Variants in CRYL1 observed in about 807,000 individuals in gnomAD.
CRYL1 encodes crystallin lambda 1.
CRYL1 carries 29 observed loss-of-function variants against 36.6 expected under a neutral mutation model. The observed-to-expected ratio is 0.79, with a 90% CI of 0.59 to 1.08. The LOEUF (loss-of-function observed/expected upper bound fraction) is 1.08. Ranked by LOEUF, CRYL1 falls within the 50% of genes least tolerant of loss-of-function variation. The probability of loss-of-function intolerance (pLI) is 0.00; values close to 1 mark genes in which losing one functional copy is unlikely to be tolerated. For missense variants in CRYL1, 411 were observed against 407.9 expected (o/e 1.01, Z -0.06); for synonymous variants, 152 against 151.5 (o/e 1.00, Z -0.02).
intron 5 of CRYL1, chr13:20,430,211 A>G (rs1248943579): frequency 1.0e-6 from 1 of 984,590 alleles, no homozygotes; most frequent in East Asian, 1.1e-4. Context: ...TATCTTCTAG[A>G]CTTTCACCAA....
intron 6 of CRYL1, among the ~76,000 whole-genome samples, chr13:20,408,627 T>G (rs1232255740): frequency 6.6e-6 from 1 of 152,212 alleles, no homozygotes; most frequent in Non-Finnish European, 1.5e-5. Flanking sequence ...TTTTGTACAT[T>G]GATTTTGTAT....
chr13:20,489,214 G>A lies in CRYL1; in HGVS notation c.276+156C>T, dbSNP rs145134976. 2.6e-4 allele frequency among the ~76,000 whole-genome samples: 40 copies of A among 152,196 alleles called. No homozygotes were observed. In the East Asian group the frequency reaches 6.8e-3, roughly 26 times the overall value. On this transcript the variant is annotated intron_variant, in intron 3 of 7. Transcript: ENST00000298248. ...AGAACCCAGGATAGAGGGTGTTTTG[G>A]GGATCACATTTCCTATCACATAAAA...
intron 1 of CRYL1, among the ~76,000 whole-genome samples, chr13:20,514,232 A>T (rs535489674): frequency 8.5e-5 from 13 of 152,350 alleles, no homozygotes; most frequent in Admixed American, 8.5e-4. Context: ...CACGCAGTGG[A>T]GAAACCTGAC....
In CRYL1 at chr13:20,441,166, A is replaced by G. The variant is rs933420520; in HGVS notation, c.277-1412T>C. On this transcript the variant is annotated intron_variant, in intron 3 of 7. Transcript: ENST00000298248. ...GTAGGGGAGGAGGTAGGGCCTCCCA[A>G]CGTTCCCCAGTGACTTCAGGAGAAT... Among the ~76,000 whole-genome samples, 19 of 152,170 alleles carry G rather than the reference A, an allele frequency of 1.2e-4. 1 individual carries two copies. Among genetic ancestry groups the G allele is most frequent in the Non-Finnish European group, 4.4e-5 (3 of 68,034 alleles).
At position 20,463,033 on chromosome 13, in the gene CRYL1, C is replaced by T. The variant is rs182083201; in HGVS notation, c.277-23279G>A. On this transcript the variant is annotated intron_variant, in intron 3 of 7. Transcript: ENST00000298248. ...AATGGAAAAATCTGTTTTACAAGCT[C>T]GTGTAACTAAGAAGAAACGGCAGCA... Among the ~76,000 whole-genome samples, 127 of 152,206 alleles carry T rather than the reference C, an allele frequency of 8.3e-4. 1 individual carries two copies. Among genetic ancestry groups the T allele is most frequent in the Middle Eastern group, 3.4e-3 (1 of 294 alleles).
chr13:20,474,344 C>T (rs2033122430), intron 3 of CRYL1, among the ~76,000 whole-genome samples: 1 of 152,202 alleles, frequency 6.6e-6, no homozygotes, highest in Non-Finnish European at 1.5e-5. Flanking sequence ...GTCCCGTCCC[C>T]AGCCGTTGCT....
intron 5 of CRYL1, among the ~76,000 whole-genome samples, chr13:20,424,001 C>T (rs965993747): frequency 6.6e-5 from 10 of 151,974 alleles, no homozygotes; most frequent in Non-Finnish European, 1.5e-4. Flanking sequence ...GAACTCCTGA[C>T]CTCGTGATTC....
intron 5 of CRYL1, chr13:20,427,047 C>A: frequency 1.0e-6 from 1 of 985,538 alleles, no homozygotes; most frequent in Non-Finnish European, 1.2e-6. Context: ...CCTCCACATA[C>A]CCTGCCCTCA....
At chr13:20,518,396 C>T (rs879603753) in intron 1 of CRYL1, among the ~76,000 whole-genome samples, 13 of 152,152 alleles carry the variant, frequency 8.5e-5, no homozygotes, top group African/African-American at 1.2e-4. Flanking sequence ...TGTATTTCTG[C>T]GACAAGTGTT....
intron 5 of CRYL1, among the ~76,000 whole-genome samples, chr13:20,420,311 G>A (rs1419939902): frequency 2.6e-5 from 4 of 152,188 alleles, no homozygotes; most frequent in South Asian, 2.1e-4. Context: ...ACAAGCCTAC[G>A]TGCACAGCTG....
chr13:20,490,436 A>G (rs1004657762), intron 2 of CRYL1, among the ~76,000 whole-genome samples: 2 of 152,082 alleles, frequency 1.3e-5, no homozygotes, highest in Admixed American at 1.3e-4. Flanking sequence ...GGTAGCTGCC[A>G]GGGGCTGGAG....
At chr13:20,465,485 T>C (rs760684846) in intron 3 of CRYL1, among the ~76,000 whole-genome samples, 1 of 152,024 alleles carries the variant, frequency 6.6e-6, no homozygotes, top group Non-Finnish European at 1.5e-5. Flanking sequence ...GGAGGTTAGG[T>C]TTCACTTTCT....
chr13:20,426,281 TAA>T (rs35582177), intron 5 of CRYL1, among the ~76,000 whole-genome samples: 2 of 144,480 alleles, frequency 1.4e-5, no homozygotes, highest in Non-Finnish European at 1.5e-5. Context: ...TATCTTTATT[TAA>T]AAAAAAAAAA....
intron 6 of CRYL1, among the ~76,000 whole-genome samples, chr13:20,405,628 A>T (rs2031350103): frequency 1.3e-5 from 2 of 152,144 alleles, no homozygotes; most frequent in South Asian, 2.1e-4. Flanking sequence ...GGGTGGATGG[A>T]GCCAGGCGCT....
At chr13:20,516,175 A>G (rs1348232897) in intron 1 of CRYL1, among the ~76,000 whole-genome samples, 1 of 125,886 alleles carries the variant, frequency 7.9e-6, no homozygotes, top group East Asian at 2.7e-4. Flanking sequence ...TGGGCGAAAG[A>G]GCAAAACTCC....
chr13:20,407,461 T>A (rs2031407137), intron 6 of CRYL1, among the ~76,000 whole-genome samples: 1 of 152,130 alleles, frequency 6.6e-6, no homozygotes, highest in Non-Finnish European at 1.5e-5. Flanking sequence ...TTTCAACAAT[T>A]ATTTTGGCTT....
intron 2 of CRYL1, among the ~76,000 whole-genome samples, chr13:20,505,142 G>A (rs1213158981): frequency 2.0e-5 from 3 of 152,118 alleles, no homozygotes; most frequent in African/African-American, 7.2e-5. Context: ...GATCACCTGA[G>A]ATCAGGAGTT....
intron 3 of CRYL1, among the ~76,000 whole-genome samples, chr13:20,447,591 G>A (rs747011989): frequency 6.6e-6 from 1 of 151,900 alleles, no homozygotes; most frequent in African/African-American, 2.4e-5. Flanking sequence ...GACAGAATGA[G>A]AACATGGAAA....
chr13:20,460,417 G>A (rs1447810604), intron 3 of CRYL1, among the ~76,000 whole-genome samples: 2 of 151,522 alleles, frequency 1.3e-5, no homozygotes, highest in African/African-American at 2.4e-5. Flanking sequence ...ACACTTGCAG[G>A]ACAATGTAGA....
Sources: gnomAD v4.1 joint callset for allele counts (sites outside exome capture counted in the v4.1 genomes callset) on GRCh38, gnomAD v4.1.1 for gene constraint, MANE v1.5 for transcripts, NCBI Gene and HGNC (gene_info 2026-07-23, HGNC 2026-07-21) for gene names.